ZNF384: variants seen among roughly 807,000 people sequenced by gnomAD.
ZNF384 encodes zinc finger protein 384.
A neutral mutation model predicts 65.0 loss-of-function variants in ZNF384; 20 were observed. The ratio of observed to expected loss-of-function variants is 0.31; its 90% CI spans 0.22 to 0.45. ZNF384 has a LOEUF of 0.45. Among genes scored for constraint, ZNF384 ranks in the 20% least tolerant of loss-of-function variants. ZNF384 has a pLI of 1.00. For synonymous variants in ZNF384, 310 were observed against 303.9 expected, an observed-to-expected ratio of 1.02 and a Z score of -0.21; for missense variants, 549 against 769.4, an observed-to-expected ratio of 0.71 and a Z score of 3.39.
intron 1 of ZNF384, 141 bp from the exon 2 acceptor site, chr12:6,688,367 TATA>T (rs1958713306): frequency 6.6e-6 from 1 of 152,256 alleles, no homozygotes; most frequent in African/African-American, 2.4e-5. Context: ...GACGGGTGGA[TATA>T]ATAACAGCAG....
At chr12:6,686,800 T>C (rs1958088050) in intron 2 of ZNF384, among the ~76,000 whole-genome samples, 1 of 152,200 alleles carries the variant, frequency 6.6e-6, no homozygotes, top group East Asian at 1.9e-4. Flanking sequence ...ATGAGGACTA[T>C]TAGCGACAAT....
At chr12:6,682,856 G>T (rs1027261543) in intron 2 of ZNF384, among the ~76,000 whole-genome samples, 1 of 152,044 alleles carries the variant, frequency 6.6e-6, no homozygotes, top group African/African-American at 2.4e-5. Context: ...ATTGAACAAC[G>T]GTAGACTACC....
At chr12:6,679,286 G>T (rs1954964386) in intron 3 of ZNF384, 103 bp from the exon 4 acceptor site, 2 of 1,260,344 alleles carry the variant, frequency 1.6e-6, no homozygotes. Flanking sequence ...AGGGATCAAG[G>T]ATGAGCACTT....
rs752112674 is a variant in ZNF384 at position 6,672,466 on chromosome 12, G to A, written c.1071C>T (p.Phe357=). The change falls in exon 9 of 12, where the codon TTC becomes TTT. Residue 357 remains phenylalanine, a synonymous_variant. Transcript: ENST00000683879. This position sits in a 1 kb window ranked among gnomAD's most constrained non-coding sequence, Gnocchi z 4.4. ...GCTGGGCCAGGTAGGAGGTGTTGGC[G>A]AAGGTCTTGGAGCAGTGCGGGCACT... The part of the protein sequence containing the change: ...PHKCPHCSKT[F]ANTSYLAQHL... 15 of 1,614,054 alleles carry A rather than the reference G, an allele frequency of 9.3e-6. No individual in the cohort carries two copies. The highest frequency in any genetic ancestry group is 3.3e-5 in the South Asian group (3 of 91,088).
Position 6,667,897 on chromosome 12 carries a change from T to G in ZNF384, c.1644A>C (p.Pro548=). 1.2e-6 allele frequency: 2 copies of G among 1,603,706 alleles called. No individual in the cohort carries two copies. The highest frequency in any genetic ancestry group is 1.7e-6 in the Non-Finnish European group (2 of 1,177,472). Residue 548 remains proline (P), a synonymous_variant, in exon 12 of 12, where the codon CCA becomes CCC. Coordinates refer to ENST00000683879, the MANE Select transcript of ZNF384 (RefSeq NM_001385745.1). The part of the protein sequence containing the change: ...QQQQQQQQQQ[P]PPHFQSPGAA... ...CCCCAGGAGACTGGAAGTGTGGTGG[T>G]GGCTGTTGCTGCTGCTGCTGCTGCT...
intron 11 of ZNF384, 93 bp downstream of exon 11, chr12:6,668,938 T>C: frequency 2.9e-6 from 4 of 1,362,750 alleles, no homozygotes; most frequent in Non-Finnish European, 4.0e-6. Flanking sequence ...AGGCAGGGTA[T>C]TCACTGCAAC....
intron 11 of ZNF384, 83 bp from the exon 12 acceptor site, chr12:6,668,198 C>T: frequency 4.4e-6 from 6 of 1,366,014 alleles, no homozygotes; most frequent in Non-Finnish European, 6.0e-6. Context: ...GGCTCTGATT[C>T]TGCTGTAAGC....
At position 6,679,111 on chromosome 12, in the gene ZNF384, G is replaced by C; in HGVS notation, c.139C>G (p.Pro47Ala). 1 of 1,613,624 alleles carries C rather than the reference G, an allele frequency of 6.2e-7. No individual in the cohort carries two copies. Among genetic ancestry groups the C allele is most frequent in the Non-Finnish European group, 8.5e-7 (1 of 1,179,656 alleles). ...LPEKGCGLAP[P>A]HYPTLLTVPA... ...ACTGTCAGCAAGGTGGGGTAGTGAG[G>C]TGGGGCCAGACCACAGCCCTTCTCT... Residue 47 changes from proline (P) to alanine (A), a missense_variant, in exon 4 of 12, where the codon CCT (proline) becomes GCT (alanine). Pro to Ala is a conservative substitution (Grantham distance 27). This residue lies in a region of ZNF384 where 277 missense variants were observed against 337.2 expected (regional missense o/e 0.82). Coordinates refer to ENST00000683879, the MANE Select transcript of ZNF384 (RefSeq NM_001385745.1).
intron 10 of ZNF384, among the ~76,000 whole-genome samples, chr12:6,670,533 G>C (rs1333900341): frequency 1.3e-5 from 2 of 152,130 alleles, no homozygotes; most frequent in African/African-American, 4.8e-5. Context: ...CACACAATGG[G>C]TTTATTTTTG....
rs1955766440 is a variant in ZNF384, at chr12:6,681,130, A to G, written c.-5-1605T>C. ...GCTACTTGGGAGGCTGAGGCAAGAG[A>G]ATTGCTTGAACCCAGGAGGCGGAGG... On this transcript the variant is annotated intron_variant, in intron 2 of 11. Coordinates refer to ENST00000683879, the MANE Select transcript of ZNF384 (RefSeq NM_001385745.1). 2.6e-5 allele frequency among the ~76,000 whole-genome samples: 4 copies of G among 152,012 alleles called. No homozygotes were observed. The South Asian group carries it at 8.3e-4, about 32-fold the overall frequency.
chr12:6,671,571 T>C (rs1951501170), intron 9 of ZNF384: 1 of 152,284 alleles, frequency 6.6e-6, no homozygotes, highest in South Asian at 2.1e-4. Context: ...GTCTCTTATT[T>C]GTGAGGAAAG....
Position 6,668,095 on chromosome 12 carries a change from A to G in ZNF384, c.1446T>C (p.His482=), listed in dbSNP as rs1325299906. The G allele has an allele frequency of 6.2e-6, 10 of 1,600,406 alleles. No homozygotes were observed. The highest frequency in any genetic ancestry group is 7.7e-6 in the Non-Finnish European group (9 of 1,172,088). The stretch of plus-strand genomic sequence containing the variant: ...GATCAGGCGGGTTGTGTTTGCGCAT[A>G]TGTTTCATAAGGTATGTTTCCTGAG... ...AYTSETYLMK[H]MRKHNPPDLQ... is the part of the protein sequence containing the mutation. The change falls in exon 12 of 12, where the codon CAT becomes CAC. Residue 482 remains histidine, a synonymous_variant. Transcript: ENST00000683879.
At chr12:6,679,610 T>C in intron 2 of ZNF384, 85 bp from the exon 3 acceptor site, 2 of 1,006,182 alleles carry the variant, frequency 2.0e-6, no homozygotes, top group Non-Finnish European at 3.1e-6. Context: ...GAAGAGTTCC[T>C]GGTCTCCTCT....
In ZNF384 at chr12:6,672,179, A is replaced by C. The variant is rs1359577773; in HGVS notation, c.1187+171T>G. On this transcript the variant is annotated intron_variant, in intron 9 of 11. Coordinates refer to ENST00000683879, the MANE Select transcript of ZNF384 (RefSeq NM_001385745.1). This position sits in a 1 kb window ranked among gnomAD's most constrained non-coding sequence, Gnocchi z 4.4. ...CTTGCCCCAGAGAAGCTCTGTGTCC[A>C]CTTGAATCTCCAGTGTTGTTTGGTC... 4.5e-6 allele frequency: 3 copies of C among 663,024 alleles called. No individual in the cohort carries two copies. Among genetic ancestry groups the C allele is most frequent in the East Asian group, 2.8e-5 (1 of 36,150 alleles). 41.1% of individuals were successfully genotyped at this position (663,024 alleles called of 1,614,324 possible).
intron 10 of ZNF384, 137 bp from the exon 11 acceptor site, chr12:6,669,326 A>T: frequency 1.1e-6 from 1 of 908,584 alleles, no homozygotes; most frequent in Non-Finnish European, 1.6e-6. Context: ...AAATTGTTTC[A>T]AATGAAACTT....
intron 2 of ZNF384, among the ~76,000 whole-genome samples, chr12:6,679,906 C>T (rs185516941): frequency 2.6e-5 from 4 of 152,332 alleles, no homozygotes; most frequent in South Asian, 2.1e-4. Context: ...GACTTGAAAA[C>T]GGCCAGGTGC....
intron 10 of ZNF384, 66 bp downstream of exon 10, chr12:6,670,694 C>T (rs1951187002): frequency 6.8e-7 from 1 of 1,477,436 alleles, no homozygotes; most frequent in African/African-American, 1.4e-5. Context: ...ATTTGAGAAC[C>T]ACGATACTAT....
chr12:6,670,926 TCTC>T lies in ZNF384; in HGVS notation c.1188-91_1188-89del, dbSNP rs1485765641. Reference sequence around the variant, plus strand: ...CAAATCTTCTCCAGGCCCATCCTGCTCTCCTAAGGAGGCACATCAGATGGGCCT... The same window carrying T: ...CAAATCTTCTCCAGGCCCATCCTGCTCTAAGGAGGCACATCAGATGGGCCT... On this transcript the variant is annotated intron_variant, in intron 9 of 11. Coordinates refer to ENST00000683879, the MANE Select transcript of ZNF384 (RefSeq NM_001385745.1). 2.5e-6 allele frequency: 3 copies of T among 1,222,338 alleles called. No homozygotes were observed. The African/African-American group carries it at 4.4e-5, about 18-fold the overall frequency. 75.7% of individuals were successfully genotyped at this position (1,222,338 alleles called of 1,614,324 possible).
At position 6,678,600 on chromosome 12, in the gene ZNF384, C is replaced by G; in HGVS notation, c.352+63G>C. 6.3e-7 allele frequency: 1 copy of G among 1,593,720 alleles called. No homozygotes were observed. The highest frequency in any genetic ancestry group is 1.7e-4 in the Middle Eastern group (1 of 5,984). Reference sequence around the variant, plus strand: ...CCAGAGTACACAGGAAATCCCAAACCCTGTAGAAAAATAATGGTCTCCTAA... The same window carrying G: ...CCAGAGTACACAGGAAATCCCAAACGCTGTAGAAAAATAATGGTCTCCTAA... On this transcript the variant is annotated intron_variant, in intron 5 of 11. Coordinates refer to ENST00000683879, the MANE Select transcript of ZNF384 (RefSeq NM_001385745.1). The surrounding 1 kb of genome is among the most constrained non-coding windows in gnomAD (Gnocchi z 4.9).
Sources: allele counts gnomAD v4.1 joint callset (sites outside exome capture counted in the v4.1 genomes callset), GRCh38; gene constraint gnomAD v4.1.1; regional missense constraint gnomAD v4.1.1; non-coding constraint Gnocchi (gnomAD v3.1); transcripts MANE v1.5; gene names NCBI Gene and HGNC (gene_info 2026-07-23, HGNC 2026-07-21).